Variants in PRELP observed in about 807,000 individuals in gnomAD.
The protein encoded by PRELP is proline and arginine rich end leucine rich repeat protein, also known as prolargin.
In PRELP, 16 loss-of-function variants were observed where a neutral mutation model predicts 22.8. The observed-to-expected ratio is 0.70, with a 90% CI of 0.47 to 1.06. PRELP has a LOEUF of 1.06. PRELP is among the 50% of genes least tolerant of loss of function. PRELP has a pLI of 0.00. For missense variants in PRELP, 434 were observed against 485.2 expected, an observed-to-expected ratio of 0.89 and a Z score of 0.99; for synonymous variants, 233 against 211.4, an observed-to-expected ratio of 1.10 and a Z score of -0.89.
intron 1 of PRELP, among the ~76,000 whole-genome samples, chr1:203,482,452 G>A (rs1325057322): frequency 6.6e-6 from 1 of 151,234 alleles, no homozygotes; most frequent in African/African-American, 2.4e-5. Flanking sequence ...CTAATTTTTT[G>A]TATTTAGTAG....
Position 203,483,420 on chromosome 1 carries a change from GC to G in PRELP, c.242del (p.Pro81LeufsTer61). ...IFPDCPRECYCPPDFPSALYC... is the reference protein window; with the variant it reads ...IFPDCPRECYXPPDFPSALYC... ...CCTGACTGTCCCCGCGAATGCTACT[GC>G]CCCCCTGATTTCCCATCTGCCCTCT... On this transcript the variant is annotated frameshift_variant, in exon 2 of 3. Coordinates refer to ENST00000343110, the MANE Select transcript of PRELP (RefSeq NM_002725.4). LOFTEE classifies it high-confidence loss of function. This position sits in a 1 kb window ranked among gnomAD's most constrained non-coding sequence, Gnocchi z 4.4. 6.2e-7 allele frequency: 1 copy of G among 1,614,032 alleles called. No individual in the cohort carries two copies. Among genetic ancestry groups the G allele is most frequent in the Non-Finnish European group, 8.5e-7 (1 of 1,179,988 alleles).
rs768707202 is a variant in PRELP at position 203,483,565 on chromosome 1, C to G, written c.381C>G (p.Gly127=). The change falls in exon 2 of 3, where the codon GGC becomes GGG. Residue 127 remains glycine, a synonymous_variant. Coordinates refer to ENST00000343110, the MANE Select transcript of PRELP (RefSeq NM_002725.4). The surrounding 1 kb of genome is among the most constrained non-coding windows in gnomAD (Gnocchi z 4.4). ...TGGAGTCCTTCCAGAATGCCACAGG[C>G]CTGCGATGGATTAACCTGGACAACA... ...LPVESFQNAT[G]LRWINLDNNR... 1.2e-6 allele frequency: 2 copies of G among 1,614,234 alleles called. No individual in the cohort carries two copies. Among genetic ancestry groups the G allele is most frequent in the Non-Finnish European group, 8.5e-7 (1 of 1,180,054 alleles).
chr1:203,486,842 C>T lies in PRELP; in HGVS notation c.1110C>T (p.Leu370=). 1.2e-6 allele frequency: 2 copies of T among 1,614,202 alleles called. No individual in the cohort carries two copies. The highest frequency in any genetic ancestry group is 8.5e-7 in the Non-Finnish European group (1 of 1,180,016). ...NYLKPPIPLD[L]MMCFRLLQSV... ...TGAAGCCGCCCATCCCGCTGGACCT[C>T]ATGATGTGCTTCCGCCTCCTGCAGT... The change falls in exon 3 of 3, where the codon CTC becomes CTT. Residue 370 remains leucine (L), a synonymous_variant. Coordinates refer to ENST00000343110, the MANE Select transcript of PRELP (RefSeq NM_002725.4).
At chr1:203,477,282 A>G (rs942009557) in intron 1 of PRELP, among the ~76,000 whole-genome samples, 1 of 152,126 alleles carries the variant, frequency 6.6e-6, no homozygotes, top group Non-Finnish European at 1.5e-5. Flanking sequence ...CTTTGCTGTA[A>G]TTTTTAAGCC....
chr1:203,483,196 C>T lies in PRELP; in HGVS notation c.12C>T (p.Pro4=), dbSNP rs766290114. The stretch of plus-strand genomic sequence containing the variant: ...GCATCACCTGGATCATGAGGTCACC[C>T]CTCTGCTGGCTCCTCCCACTTCTCA... The part of the protein sequence containing the change: MRS[P]LCWLLPLLIL... The change falls in exon 2 of 3, where the codon CCC becomes CCT. Residue 4 remains proline (P), a synonymous_variant. Transcript: ENST00000343110. The surrounding 1 kb of genome is among the most constrained non-coding windows in gnomAD (Gnocchi z 4.4). 13 of 1,546,448 alleles carry T rather than the reference C, an allele frequency of 8.4e-6. No individual in the cohort carries two copies. The highest frequency in any genetic ancestry group is 1.7e-4 in the Middle Eastern group (1 of 5,720).
At position 203,487,079 on chromosome 1, in the gene PRELP, C is replaced by A; in HGVS notation, c.*198C>A. The A allele has an allele frequency of 1.6e-6, 1 of 626,752 alleles. No individual in the cohort carries two copies. The highest frequency in any genetic ancestry group is 2.6e-6 in the Non-Finnish European group (1 of 380,330). The allele number at this position is 626,752 out of a possible 1,614,324, so 38.8% of individuals were successfully genotyped here. A position where few individuals can be genotyped will look rare whatever the true frequency, so the allele number is the denominator to read the frequency against. The stretch of plus-strand genomic sequence containing the variant: ...CTTCAAGGACTCAGTTTGGTTCCAC[C>A]CAGTTGAAAGACACCCAGTGCACAC... On this transcript the variant is annotated 3_prime_UTR_variant, in exon 3 of 3. Coordinates refer to ENST00000343110, the MANE Select transcript of PRELP (RefSeq NM_002725.4).
chr1:203,477,894 C>G (rs185802473), intron 1 of PRELP, among the ~76,000 whole-genome samples: 108 of 152,260 alleles, frequency 7.1e-4, no homozygotes, highest in Non-Finnish European at 1.4e-3. Context: ...TGGGGACTTC[C>G]AGAGTCTCCT....
In PRELP at chr1:203,487,563, C is replaced by A. The variant is rs1661116030; in HGVS notation, c.*682C>A. 1 of 152,864 alleles carries A rather than the reference C, an allele frequency of 6.5e-6. No homozygotes were observed. The highest frequency in any genetic ancestry group is 2.4e-5 in the African/African-American group (1 of 41,468). The allele number at this position is 152,864 out of a possible 1,614,324, so 9.5% of individuals were successfully genotyped here. The stretch of plus-strand genomic sequence containing the variant: ...TCTGTTCCAGGGTGAACATAGCACA[C>A]GCCCTCCTGGCTGGGCCTCAGGAGG... On this transcript the variant is annotated 3_prime_UTR_variant, in exon 3 of 3. Transcript: ENST00000343110.
At chr1:203,479,385 G>A (rs1178513793) in intron 1 of PRELP, among the ~76,000 whole-genome samples, 1 of 152,064 alleles carries the variant, frequency 6.6e-6, no homozygotes, top group Non-Finnish European at 1.5e-5. Flanking sequence ...AGAGAGATAG[G>A]GAAGGGGGCT....
intron 1 of PRELP, among the ~76,000 whole-genome samples, chr1:203,478,713 T>C (rs1417199517): frequency 6.6e-6 from 1 of 152,128 alleles, no homozygotes; most frequent in East Asian, 1.9e-4. Context: ...CTAACTAGTA[T>C]GCACCACAGG....
At position 203,487,190 on chromosome 1, in the gene PRELP, C is replaced by G. The variant is rs1661108352; in HGVS notation, c.*309C>G. On this transcript the variant is annotated 3_prime_UTR_variant, in exon 3 of 3. Coordinates refer to ENST00000343110, the MANE Select transcript of PRELP (RefSeq NM_002725.4). ...TTGGTGTCCCCTTCTCTCTCCTCCC[C>G]CACCCGCCACTCCTGGGTACATCTG... The G allele has an allele frequency of 7.6e-6, 2 of 264,496 alleles. No individual in the cohort carries two copies. Among genetic ancestry groups the G allele is most frequent in the African/African-American group, 2.2e-5 (1 of 45,328 alleles). The allele number at this position is 264,496 out of a possible 1,614,324, so 16.4% of individuals were successfully genotyped here.
rs1032879649 is a variant in PRELP at position 203,490,930 on chromosome 1, A to C, written c.*4049A>C. ...ACTCATACCTTGGTAAAGGGAAAGAAATCCATGAATGGATACCTCTGTGTC... is the reference window on the plus strand; with the variant it reads ...ACTCATACCTTGGTAAAGGGAAAGACATCCATGAATGGATACCTCTGTGTC... On this transcript the variant is annotated 3_prime_UTR_variant, in exon 3 of 3. Transcript: ENST00000343110. 1 of 152,258 alleles carries C rather than the reference A, an allele frequency of 6.6e-6. No homozygotes were observed. Among genetic ancestry groups the C allele is most frequent in the Non-Finnish European group, 1.5e-5 (1 of 68,068 alleles). 9.4% of individuals were successfully genotyped at this position (152,258 alleles called of 1,614,324 possible).
In PRELP at chr1:203,486,989, C is replaced by A; in HGVS notation, c.*108C>A. On this transcript the variant is annotated 3_prime_UTR_variant, in exon 3 of 3. Transcript: ENST00000343110. ...TCTCCCTTTCTTTCTCCCAGCTTTG[C>A]CTCCCTTATCCCACCCTCGAGGCAG... 1 of 1,243,392 alleles carries A rather than the reference C, an allele frequency of 8.0e-7. No homozygotes were observed. Among genetic ancestry groups the A allele is most frequent in the Non-Finnish European group, 1.1e-6 (1 of 918,420 alleles). The allele number at this position is 1,243,392 out of a possible 1,614,324, so 77.0% of individuals were successfully genotyped here. A position where few individuals can be genotyped will look rare whatever the true frequency, so the allele number is the denominator to read the frequency against.
At chr1:203,477,148 C>A (rs1660924994) in intron 1 of PRELP, among the ~76,000 whole-genome samples, 1 of 152,102 alleles carries the variant, frequency 6.6e-6, no homozygotes, top group African/African-American at 2.4e-5. Flanking sequence ...GGAGGGCTTA[C>A]TAAAAATACA....
chr1:203,476,205 G>A (rs546284296), intron 1 of PRELP, among the ~76,000 whole-genome samples: 1 of 152,142 alleles, frequency 6.6e-6, no homozygotes. Context: ...GTAGCACAGA[G>A]AGCCACGCTG....
chr1:203,482,915 G>C (rs1271593059), intron 1 of PRELP, among the ~76,000 whole-genome samples: 1 of 152,010 alleles, frequency 6.6e-6, no homozygotes, highest in Admixed American at 6.6e-5. Flanking sequence ...CTTTCTACCA[G>C]CATGTCCCCC....
rs1181701554 is a variant in PRELP at position 203,483,626 on chromosome 1, A to G, written c.442A>G (p.Lys148Glu). ...CAAGATAGACCAGAGGGTGCTGGAG[A>G]AACTGCCCGGCCTGGTGTTCCTCTA... ...IRKIDQRVLEKLPGLVFLYME... is the reference protein window; with the variant it reads ...IRKIDQRVLEELPGLVFLYME... Residue 148 changes from lysine to glutamate, a missense_variant, in exon 2 of 3, where the codon AAA becomes GAA. Physicochemically the swap from Lys to Glu is moderately conservative, Grantham distance 56. Transcript: ENST00000343110. The surrounding 1 kb of genome is among the most constrained non-coding windows in gnomAD (Gnocchi z 4.4). The G allele has an allele frequency of 6.2e-7, 1 of 1,614,194 alleles. No individual in the cohort carries two copies. The highest frequency in any genetic ancestry group is 1.1e-5 in the South Asian group (1 of 91,088).
At chr1:203,480,354 C>T (rs1026810027) in intron 1 of PRELP, among the ~76,000 whole-genome samples, 1 of 152,196 alleles carries the variant, frequency 6.6e-6, no homozygotes, top group African/African-American at 2.4e-5. Context: ...AAAACACACA[C>T]ATGGACCCAT....
Position 203,483,840 on chromosome 1 carries a change from G to A in PRELP, c.656G>A (p.Gly219Asp), listed in dbSNP as rs757218358. ...GTCTTCAAGCCCGACACCTTCCATG[G>A]CCTCAAGAACCTCATGCAGCTCAAC... Reference protein sequence around the residue: ...DGVFKPDTFHGLKNLMQLNLA... With the variant: ...DGVFKPDTFHDLKNLMQLNLA... Residue 219 changes from glycine to aspartate, a missense_variant, in exon 2 of 3, where the codon GGC becomes GAC. Transcript: ENST00000343110. The surrounding 1 kb of genome is among the most constrained non-coding windows in gnomAD (Gnocchi z 4.4). The A allele has an allele frequency of 6.2e-7, 1 of 1,614,066 alleles. No homozygotes were observed. The highest frequency in any genetic ancestry group is 8.5e-7 in the Non-Finnish European group (1 of 1,179,952).
Sources: allele counts gnomAD v4.1 joint callset (sites outside exome capture counted in the v4.1 genomes callset), GRCh38; gene constraint gnomAD v4.1.1; non-coding constraint Gnocchi (gnomAD v3.1); transcripts MANE v1.5; gene names NCBI Gene and HGNC (gene_info 2026-07-23, HGNC 2026-07-21).